TIMP3: variants seen among roughly 807,000 people sequenced by gnomAD.
TIMP3 encodes the protein TIMP metallopeptidase inhibitor 3.
TIMP3 carries 11 observed loss-of-function variants against 30.0 expected under a neutral mutation model. That is an observed-to-expected ratio of 0.37 (90% CI 0.23 to 0.61). The LOEUF is 0.61. TIMP3 is among the 20% of genes least tolerant of loss of function. The pLI is 0.70. For synonymous variants in TIMP3, 112 were observed against 111.3 expected (o/e 1.01, Z -0.04); for missense variants, 181 against 276.8 (o/e 0.65, Z 2.45).
chr22:32,812,238 A>C (rs552083332), intron 1 of TIMP3, among the ~76,000 whole-genome samples: 1 of 152,308 alleles, frequency 6.6e-6, no homozygotes, highest in South Asian at 2.1e-4. Flanking sequence ...TCAGCACCTA[A>C]ATCTGTCAAC....
At chr22:32,836,897 G>A (rs1303015359) in intron 1 of TIMP3, among the ~76,000 whole-genome samples, 1 of 152,196 alleles carries the variant, frequency 6.6e-6, no homozygotes, top group Non-Finnish European at 1.5e-5. Context: ...AGCAGCCATT[G>A]GCTCTTGTTC....
chr22:32,810,870 T>C (rs1022258015), intron 1 of TIMP3, among the ~76,000 whole-genome samples: 4 of 152,222 alleles, frequency 2.6e-5, no homozygotes, highest in Non-Finnish European at 5.9e-5. Context: ...TTTATCATCA[T>C]GAATAAGCTC....
intron 1 of TIMP3, among the ~76,000 whole-genome samples, chr22:32,821,593 T>C (rs975863463): frequency 6.6e-6 from 1 of 152,192 alleles, no homozygotes; most frequent in Non-Finnish European, 1.5e-5. Flanking sequence ...AGAATTAAGA[T>C]GATCTCAGCT....
intron 2 of TIMP3, among the ~76,000 whole-genome samples, chr22:32,855,619 G>A (rs2048340739): frequency 6.6e-6 from 1 of 152,160 alleles, no homozygotes; most frequent in African/African-American, 2.4e-5. Context: ...TGATTCGTGG[G>A]CTAATATTAA....
chr22:32,853,893 C>T (rs989542558), intron 2 of TIMP3, among the ~76,000 whole-genome samples: 6 of 152,138 alleles, frequency 3.9e-5, no homozygotes, highest in East Asian at 1.9e-4. Context: ...TTCCAAGTGG[C>T]GAACACAGGT....
chr22:32,838,772 T>C (rs1346488617), intron 1 of TIMP3, among the ~76,000 whole-genome samples: 1 of 152,000 alleles, frequency 6.6e-6, no homozygotes, highest in Non-Finnish European at 1.5e-5. Context: ...TTCGTTATTG[T>C]ATTACCTTTG....
Position 32,811,019 on chromosome 22 carries a change from A to G in TIMP3, c.121+8897A>G, listed in dbSNP as rs79578986. ...GTACCACGTGGTAACTTCATTGGCA[A>G]TTAAGTGAAATACTTCATGGAATGT... On this transcript the variant is annotated intron_variant, in intron 1 of 4. Transcript: ENST00000266085. 3.5e-3 allele frequency among the ~76,000 whole-genome samples: 538 copies of G among 152,296 alleles called. 4 individuals are homozygous for G. Among genetic ancestry groups the G allele is most frequent in the South Asian group, 5.2e-3 (25 of 4,824 alleles).
Position 32,801,892 on chromosome 22 carries a change from C to T in TIMP3, c.-110C>T. The T allele has an allele frequency of 1.8e-5, 25 of 1,353,490 alleles. No individual in the cohort carries two copies. The highest frequency in any genetic ancestry group is 2.3e-5 in the Non-Finnish European group (24 of 1,058,040). 83.8% of individuals were successfully genotyped at this position (1,353,490 alleles called of 1,614,324 possible). On this transcript the variant is annotated 5_prime_UTR_variant, in exon 1 of 5. Coordinates refer to ENST00000266085, the MANE Select transcript of TIMP3 (RefSeq NM_000362.5). The surrounding 1 kb of genome is among the most constrained non-coding windows in gnomAD (Gnocchi z 4.7). ...AGCGCGCCGGAGGCCAAGGTTGCCC[C>T]GCACGGCCCGGCGGGCGAGCGAGCT...
chr22:32,838,857 C>T (rs2047812797), intron 1 of TIMP3, among the ~76,000 whole-genome samples: 1 of 151,832 alleles, frequency 6.6e-6, no homozygotes, highest in Admixed American at 6.6e-5. Context: ...GGCTCTATGC[C>T]ATGTGCTGGA....
chr22:32,822,515 G>A (rs1296660582), intron 1 of TIMP3, among the ~76,000 whole-genome samples: 1 of 152,190 alleles, frequency 6.6e-6, no homozygotes, highest in Non-Finnish European at 1.5e-5. Context: ...TCAAACATGT[G>A]CATACACTTT....
At chr22:32,838,758 C>T (rs1360546029) in intron 1 of TIMP3, among the ~76,000 whole-genome samples, 4 of 151,980 alleles carry the variant, frequency 2.6e-5, no homozygotes, top group African/African-American at 7.3e-5. Context: ...AAACCATCCC[C>T]GTCTTCGTTA....
chr22:32,812,436 C>G (rs570453051), intron 1 of TIMP3, among the ~76,000 whole-genome samples: 282 of 152,256 alleles, frequency 1.9e-3, no homozygotes, highest in African/African-American at 4.7e-3. Context: ...CAGACAGCAA[C>G]CTTGCAGACT....
At chr22:32,818,035 A>G (rs959863880) in intron 1 of TIMP3, among the ~76,000 whole-genome samples, 19 of 152,238 alleles carry the variant, frequency 1.2e-4, no homozygotes, top group African/African-American at 4.6e-4. Context: ...CCTAAAAGCT[A>G]TCTTGGATCA....
rs2048478651 is a variant in TIMP3, at chr22:32,859,569, C to T, written c.*192C>T. 2.8e-6 allele frequency: 2 copies of T among 710,808 alleles called. No individual in the cohort carries two copies. Among genetic ancestry groups the T allele is most frequent in the African/African-American group, 1.8e-5 (1 of 56,094 alleles). 44.0% of individuals were successfully genotyped at this position (710,808 alleles called of 1,614,324 possible). ...CTATCCTCCTGGCCCCACCCTGCCC[C>T]TTCTTTTTGGTTTTGACATCATTCA... On this transcript the variant is annotated 3_prime_UTR_variant, in exon 5 of 5. Transcript: ENST00000266085.
At chr22:32,808,005 G>A (rs1174672280) in intron 1 of TIMP3, among the ~76,000 whole-genome samples, 1 of 152,074 alleles carries the variant, frequency 6.6e-6, no homozygotes, top group Non-Finnish European at 1.5e-5. Flanking sequence ...TCTTTGAAAG[G>A]GAGCAAAATT....
intron 1 of TIMP3, among the ~76,000 whole-genome samples, chr22:32,843,635 T>C (rs1259808112): frequency 6.6e-6 from 1 of 152,136 alleles, no homozygotes; most frequent in Non-Finnish European, 1.5e-5. Context: ...TGTGTTTTCA[T>C]GGGTAGGGCA....
intron 1 of TIMP3, among the ~76,000 whole-genome samples, chr22:32,820,951 T>G (rs998409017): frequency 3.9e-5 from 6 of 152,206 alleles, no homozygotes; most frequent in African/African-American, 1.4e-4. Context: ...GACATGTTAA[T>G]TGGCTTCAAG....
In TIMP3 at chr22:32,819,793, G is replaced by A. The variant is rs539595503; in HGVS notation, c.121+17671G>A. On this transcript the variant is annotated intron_variant, in intron 1 of 4. Transcript: ENST00000266085. ...GCAAACTTGCTGGGTCATCCATAGA[G>A]TATATTAACTGGCTATCTTGCTATC... Among the ~76,000 whole-genome samples, 13 of 152,324 alleles carry A rather than the reference G, an allele frequency of 8.5e-5. No homozygotes were observed. In the East Asian group the frequency reaches 1.9e-3, roughly 23 times the overall value.
At chr22:32,825,064 A>C (rs1249810149) in intron 1 of TIMP3, among the ~76,000 whole-genome samples, 1 of 152,074 alleles carries the variant, frequency 6.6e-6, no homozygotes, top group Non-Finnish European at 1.5e-5. Flanking sequence ...CAGAAAAGGG[A>C]CAGGACTCAG....
Sources: allele counts gnomAD v4.1 joint callset (sites outside exome capture counted in the v4.1 genomes callset), GRCh38; gene constraint gnomAD v4.1.1; non-coding constraint Gnocchi (gnomAD v3.1); transcripts MANE v1.5; gene names NCBI Gene and HGNC (gene_info 2026-07-23, HGNC 2026-07-21).